DCC: variants seen among roughly 807,000 people sequenced by gnomAD.
The protein encoded by DCC is netrin receptor DCC.
A neutral mutation model predicts 172.5 loss-of-function variants in DCC; 58 were observed. That is an observed-to-expected ratio of 0.34 (90% CI 0.27 to 0.42). The LOEUF is 0.42. DCC is among the 10% of genes least tolerant of loss of function. The pLI is 1.00. For synonymous variants in DCC, 709 were observed against 644.5 expected (o/e 1.10, Z -1.52); for missense variants, 1,740 against 1,791.0 (o/e 0.97, Z 0.51).
chr18:52,457,915 A>G lies in DCC; in HGVS notation c.91+117037A>G, dbSNP rs72922414. Among the ~76,000 whole-genome samples the G allele has an allele frequency of 4.4e-3, 17 of 3,874 alleles. No individual in the cohort carries two copies. The African/African-American group carries it at 0.09, about 20-fold the overall frequency. The allele number at this position is 3,874 out of a possible 152,430, so 2.5% of individuals were successfully genotyped here. ...CTGGTTAAAACAAGCAAGCAAGCAA[A>G]CAAACAAACAAACAAACAAACAACA... On this transcript the variant is annotated intron_variant, in intron 1 of 28. Transcript: ENST00000442544.
Position 53,292,141 on chromosome 18 carries a change from G to T in DCC, c.1912-13437G>T, listed in dbSNP as rs975623742. Among the ~76,000 whole-genome samples, 7 of 147,348 alleles carry T rather than the reference G, an allele frequency of 4.8e-5. No homozygotes were observed. The East Asian group carries it at 1.2e-3, about 25-fold the overall frequency. On this transcript the variant is annotated intron_variant, in intron 12 of 28. Transcript: ENST00000442544. ...CCCCCCCCCTTTTTTCCTGTAAGCT[G>T]GGCTATACTCTGACATTTGGGGATC...
At chr18:52,881,891 A>G (rs1008290727) in intron 2 of DCC, among the ~76,000 whole-genome samples, 1 of 152,136 alleles carries the variant, frequency 6.6e-6, no homozygotes, top group Admixed American at 6.5e-5. Flanking sequence ...TGCTTTGAGT[A>G]GTGTGGAAAT....
chr18:52,791,468 T>C (rs544637870), intron 2 of DCC, among the ~76,000 whole-genome samples: 11 of 148,056 alleles, frequency 7.4e-5, no homozygotes, highest in Non-Finnish European at 1.5e-4. Flanking sequence ...GTTTTTTGTG[T>C]TTTGTTTTTT....
chr18:52,914,327 A>G (rs1020674583), intron 3 of DCC, among the ~76,000 whole-genome samples: 20 of 152,148 alleles, frequency 1.3e-4, no homozygotes, highest in Non-Finnish European at 2.9e-4. Flanking sequence ...ATAAGAATAG[A>G]TGATTTCCTT....
intron 2 of DCC, among the ~76,000 whole-genome samples, chr18:52,903,665 A>G (rs888257384): frequency 6.6e-6 from 1 of 152,222 alleles, no homozygotes; most frequent in African/African-American, 2.4e-5. Context: ...ATTCCTGACT[A>G]TATTTCCTTA....
At chr18:53,365,259 C>CCT (rs112500366) in intron 15 of DCC, among the ~76,000 whole-genome samples, 55,148 of 151,570 alleles carry the variant, frequency 0.36, 10,376 homozygotes, top group Middle Eastern at 0.45. Flanking sequence ...ATGAACTCAT[C>CCT]TTTTTAAGGC....
chr18:52,755,452 C>A (rs528515064), intron 2 of DCC, among the ~76,000 whole-genome samples: 2 of 152,322 alleles, frequency 1.3e-5, no homozygotes, highest in East Asian at 3.9e-4. Context: ...GATTCAGTCA[C>A]TGAGTTAAAA....
intron 1 of DCC, among the ~76,000 whole-genome samples, chr18:52,387,424 T>C (rs909037415): frequency 2.0e-5 from 3 of 152,104 alleles, no homozygotes; most frequent in Admixed American, 6.5e-5. Flanking sequence ...AATGGTATAT[T>C]GTTTTCACGT....
intron 2 of DCC, among the ~76,000 whole-genome samples, chr18:52,870,395 G>A (rs1020538112): frequency 1.3e-5 from 2 of 152,308 alleles, no homozygotes; most frequent in Admixed American, 1.3e-4. Context: ...CTGGAGCGAT[G>A]GCAGCCGCTG....
chr18:53,192,257 G>A (rs751215203), intron 9 of DCC, among the ~76,000 whole-genome samples: 11 of 152,198 alleles, frequency 7.2e-5, no homozygotes, highest in Non-Finnish European at 1.6e-4. Flanking sequence ...ATTAATTTCA[G>A]TATTGTCAAG....
At chr18:53,393,219 C>T (rs7234286) in intron 17 of DCC, among the ~76,000 whole-genome samples, 3,504 of 152,300 alleles carry the variant, frequency 0.023, 68 homozygotes, top group Middle Eastern at 0.065. Flanking sequence ...AAGCTTGCTT[C>T]TCTCTCCCCA....
At chr18:52,762,302 T>C (rs1568087184) in intron 2 of DCC, among the ~76,000 whole-genome samples, 1 of 151,488 alleles carries the variant, frequency 6.6e-6, no homozygotes, top group Non-Finnish European at 1.5e-5. Context: ...GTGAGACCAC[T>C]GTCTCTACAA....
At chr18:52,682,529 C>T (rs1310347473) in intron 1 of DCC, among the ~76,000 whole-genome samples, 3 of 151,926 alleles carry the variant, frequency 2.0e-5, no homozygotes, top group Non-Finnish European at 2.9e-5. Context: ...GCTGGAGAGG[C>T]GGGCAGGAAC....
chr18:53,242,099 CAG>C (rs1286032910), intron 12 of DCC, among the ~76,000 whole-genome samples: 4 of 152,178 alleles, frequency 2.6e-5, no homozygotes, highest in African/African-American at 9.6e-5. Context: ...ATTTTTCAAA[CAG>C]GGAAGAAATG....
intron 2 of DCC, among the ~76,000 whole-genome samples, chr18:52,886,806 G>C (rs2039577502): frequency 6.6e-6 from 1 of 151,944 alleles, no homozygotes; most frequent in East Asian, 1.9e-4. Context: ...TGCATAGTTG[G>C]TTGTTAAAAT....
chr18:53,259,592 A>T (rs552379147), intron 12 of DCC, among the ~76,000 whole-genome samples: 74 of 151,930 alleles, frequency 4.9e-4, no homozygotes, highest in African/African-American at 1.4e-3. Flanking sequence ...TGTTAGTCTA[A>T]TGGGCTTCCC....
intron 8 of DCC, among the ~76,000 whole-genome samples, chr18:53,167,116 A>G (rs993262031): frequency 1.3e-5 from 2 of 152,170 alleles, no homozygotes; most frequent in African/African-American, 4.8e-5. Flanking sequence ...TTCCTCCCTG[A>G]AGCAACTAAT....
chr18:52,784,376 G>C (rs1294439901), intron 2 of DCC, among the ~76,000 whole-genome samples: 2 of 151,966 alleles, frequency 1.3e-5, no homozygotes, highest in African/African-American at 2.4e-5. Context: ...ATAAACATAG[G>C]GGGTGAAGGT....
intron 12 of DCC, among the ~76,000 whole-genome samples, chr18:53,268,004 C>T (rs186255431): frequency 4.9e-4 from 75 of 152,228 alleles, no homozygotes; most frequent in Non-Finnish European, 8.5e-4. Flanking sequence ...AAAAAATTCC[C>T]CCGTGTGAGC....
Sources: gnomAD v4.1 joint callset for allele counts (sites outside exome capture counted in the v4.1 genomes callset) on GRCh38, gnomAD v4.1.1 for gene constraint, MANE v1.5 for transcripts, NCBI Gene and HGNC (gene_info 2026-07-23, HGNC 2026-07-21) for gene names.